Variants in KAZN observed in about 807,000 individuals in gnomAD.
KAZN encodes the protein kazrin, periplakin interacting protein.
Under a neutral mutation model 87.4 loss-of-function variants are expected in KAZN, and 40 were observed. That is an observed-to-expected ratio of 0.46 (90% CI 0.36 to 0.60). The LOEUF (loss-of-function observed/expected upper bound fraction) is 0.60. Among genes scored for constraint, KAZN ranks in the 20% least tolerant of loss-of-function variants. The pLI is 0.00. For missense variants in KAZN, 898 were observed against 1,073.9 expected (o/e 0.84, Z 2.29); for synonymous variants, 466 against 458.3 (o/e 1.02, Z -0.22).
chr1:13,908,587 C>G (rs928891698), intron 1 of KAZN, among the ~76,000 whole-genome samples: 2 of 152,212 alleles, frequency 1.3e-5, no homozygotes, highest in African/African-American at 4.8e-5. Flanking sequence ...GGAGCCGTGT[C>G]GAAGCCAGAT....
chr1:13,978,454 A>G (rs1638484032), intron 1 of KAZN, among the ~76,000 whole-genome samples: 1 of 150,378 alleles, frequency 6.6e-6, no homozygotes, highest in Non-Finnish European at 1.5e-5. Flanking sequence ...AAATAATTAC[A>G]TTAAAAAAGC....
chr1:14,607,508 A>T (rs1315975479), intron 1 of KAZN, among the ~76,000 whole-genome samples: 1 of 152,150 alleles, frequency 6.6e-6, no homozygotes, highest in Non-Finnish European at 1.5e-5. Flanking sequence ...TGGCAATTAT[A>T]ATTAGGATTT....
intron 2 of KAZN, among the ~76,000 whole-genome samples, chr1:14,325,393 TTAGAC>T (rs1351318985): frequency 6.6e-6 from 1 of 152,186 alleles, no homozygotes; most frequent in African/African-American, 2.4e-5. Flanking sequence ...TATTCCATGT[TTAGAC>T]TATTTCTGAG....
chr1:13,935,264 A>G (rs896617687), intron 1 of KAZN, among the ~76,000 whole-genome samples: 1 of 151,592 alleles, frequency 6.6e-6, no homozygotes, highest in African/African-American at 2.4e-5. Context: ...AATAATAATA[A>G]TAATAAGCCT....
At chr1:14,248,398 G>A (rs548624992) in intron 2 of KAZN, among the ~76,000 whole-genome samples, 1 of 152,328 alleles carries the variant, frequency 6.6e-6, no homozygotes, top group South Asian at 2.1e-4. Context: ...AAATTATAAA[G>A]CATGGTGTCT....
intron 8 of KAZN, among the ~76,000 whole-genome samples, chr1:15,073,409 G>A (rs894303524): frequency 1.3e-5 from 2 of 152,180 alleles, no homozygotes; most frequent in African/African-American, 4.8e-5. Flanking sequence ...CGTAGTGCCC[G>A]TGGGTTGGAG....
intron 1 of KAZN, among the ~76,000 whole-genome samples, chr1:14,927,163 T>C (rs972406228): frequency 1.3e-5 from 2 of 152,242 alleles, no homozygotes; most frequent in Admixed American, 6.5e-5. Context: ...GAATAACTCC[T>C]TCTGAAGGAC....
chr1:14,442,744 C>T (rs531324242), intron 2 of KAZN, among the ~76,000 whole-genome samples: 2 of 152,322 alleles, frequency 1.3e-5, no homozygotes, highest in African/African-American at 2.4e-5. Context: ...TAGGACACTA[C>T]AAAAATCCCT....
intron 1 of KAZN, among the ~76,000 whole-genome samples, chr1:14,127,226 T>C (rs1287687089): frequency 6.6e-6 from 1 of 152,248 alleles, no homozygotes; most frequent in Non-Finnish European, 1.5e-5. Flanking sequence ...TTCAATTTCA[T>C]TGTCCAGATG....
At position 13,914,559 on chromosome 1, in the gene KAZN, T is replaced by C. The variant is rs1639773116; in HGVS notation, c.91+20803T>C. ...TTATATAGCGGTGATGTCCCTCCTG[T>C]GAGTACAGGGTATTCCATTACTCCT... On this transcript the variant is annotated intron_variant, in intron 1 of 16. Transcript: ENST00000636203. 2.0e-5 allele frequency among the ~76,000 whole-genome samples: 3 copies of C among 152,210 alleles called. 1 individual carries two copies. In the South Asian group the frequency reaches 6.2e-4, roughly 32 times the overall value.
At chr1:14,567,206 T>C (rs1674594898) in intron 2 of KAZN, among the ~76,000 whole-genome samples, 1 of 152,114 alleles carries the variant, frequency 6.6e-6, no homozygotes. Context: ...AGTTTCAATA[T>C]TGCTGTGGCT....
At chr1:14,155,040 C>A (rs931501627) in intron 1 of KAZN, among the ~76,000 whole-genome samples, 7 of 141,362 alleles carry the variant, frequency 5.0e-5, no homozygotes, top group African/African-American at 1.7e-4. Context: ...CGAGGTGATA[C>A]TGGCCTCAAA....
intron 1 of KAZN, among the ~76,000 whole-genome samples, chr1:14,812,418 T>C (rs1646440663): frequency 6.6e-6 from 1 of 152,166 alleles, no homozygotes; most frequent in South Asian, 2.1e-4. Context: ...GGAGGGGTGG[T>C]GGAACAAGCA....
rs553330352 is a variant in KAZN at position 14,743,480 on chromosome 1, G to A, written c.226+144257G>A. 3.3e-5 allele frequency among the ~76,000 whole-genome samples: 5 copies of A among 151,952 alleles called. No individual in the cohort carries two copies. The East Asian group carries it at 9.7e-4, about 29-fold the overall frequency. ...GCAGATATTAATTATTCATTAATTG[G>A]TCACTGCAACAGTGAGACTGAGGAC... On this transcript the variant is annotated intron_variant, in intron 1 of 14. Coordinates refer to ENST00000376030, the MANE Select transcript of KAZN (RefSeq NM_201628.3).
chr1:14,255,287 A>C (rs1001896082), intron 2 of KAZN, among the ~76,000 whole-genome samples: 1 of 152,138 alleles, frequency 6.6e-6, no homozygotes, highest in Non-Finnish European at 1.5e-5. Context: ...CCAAGCCACA[A>C]GGGATCCATC....
At chr1:15,027,002 C>T (rs1397118522) in intron 2 of KAZN, among the ~76,000 whole-genome samples, 1 of 149,450 alleles carries the variant, frequency 6.7e-6, no homozygotes, top group Admixed American at 6.7e-5. Context: ...ACTGTACTGT[C>T]AGCTGCCGTC....
chr1:13,972,119 A>G (rs574629901), intron 1 of KAZN, among the ~76,000 whole-genome samples: 1 of 152,352 alleles, frequency 6.6e-6, no homozygotes, highest in Non-Finnish European at 1.5e-5. Flanking sequence ...GTTAAATCAG[A>G]GTGGAAAAGG....
intron 11 of KAZN, among the ~76,000 whole-genome samples, 165 bp from the exon 12 acceptor site, chr1:15,103,194 G>A (rs1641144177): frequency 6.6e-6 from 1 of 152,178 alleles, no homozygotes; most frequent in Non-Finnish European, 1.5e-5. Flanking sequence ...TTGAACCTGG[G>A]AGGCGGAGGT....
At chr1:14,107,190 G>C (rs375393053) in intron 1 of KAZN, among the ~76,000 whole-genome samples, 1 of 151,546 alleles carries the variant, frequency 6.6e-6, no homozygotes, top group Non-Finnish European at 1.5e-5. Flanking sequence ...TCAGAGCCCA[G>C]GTGAGAGGGC....
Sources: gnomAD v4.1 joint callset for allele counts (sites outside exome capture counted in the v4.1 genomes callset) on GRCh38, gnomAD v4.1.1 for gene constraint, MANE v1.5 for transcripts, NCBI Gene and HGNC (gene_info 2026-07-23, HGNC 2026-07-21) for gene names.